MROH9: variants seen among roughly 807,000 people sequenced by gnomAD.
MROH9 encodes maestro heat like repeat family member 9.
A neutral mutation model predicts 98.2 loss-of-function variants in MROH9; 92 were observed. The ratio of observed to expected loss-of-function variants is 0.94; its 90% CI spans 0.79 to 1.11. MROH9 has a LOEUF of 1.11. Ranked by LOEUF, MROH9 falls within the 50% of genes most tolerant of loss-of-function variation. The probability of loss-of-function intolerance (pLI) is 0.00; values close to 1 mark genes in which losing one functional copy is unlikely to be tolerated. For missense variants in MROH9, 1,057 were observed against 1,014.8 expected, an observed-to-expected ratio of 1.04 and a Z score of -0.57; for synonymous variants, 397 against 368.9, an observed-to-expected ratio of 1.08 and a Z score of -0.87.
At chr1:170,974,138 G>A (rs1415643983) in intron 8 of MROH9, among the ~76,000 whole-genome samples, 3 of 152,078 alleles carry the variant, frequency 2.0e-5, no homozygotes, top group Non-Finnish European at 2.9e-5. Context: ...ATAAATGACA[G>A]ACAAATAGAG....
intron 20 of MROH9, among the ~76,000 whole-genome samples, chr1:171,034,293 C>T (rs1390341834): frequency 1.3e-5 from 2 of 152,144 alleles, no homozygotes; most frequent in African/African-American, 4.8e-5. Context: ...AAATCATCAT[C>T]ATGAATTCTT....
At chr1:171,004,241 C>T (rs1651875426) in intron 15 of MROH9, among the ~76,000 whole-genome samples, 1 of 152,124 alleles carries the variant, frequency 6.6e-6, no homozygotes, top group Non-Finnish European at 1.5e-5. Context: ...CACATTCATG[C>T]CCTCCCCCGA....
intron 6 of MROH9, among the ~76,000 whole-genome samples, chr1:170,963,135 G>GAAA (rs56361336): frequency 7.0e-5 from 10 of 141,924 alleles, no homozygotes; most frequent in Non-Finnish European, 9.3e-5. Context: ...AAGTTTACAA[G>GAAA]AAAAAAAAAA....
chr1:171,038,350 T>C (rs1158413651), intron 20 of MROH9, among the ~76,000 whole-genome samples: 2 of 152,194 alleles, frequency 1.3e-5, no homozygotes, highest in Non-Finnish European at 2.9e-5. Context: ...AGTTTTGTAC[T>C]ACCCAGTTTT....
chr1:170,979,705 G>A (rs1333297836), intron 8 of MROH9, among the ~76,000 whole-genome samples: 2 of 152,036 alleles, frequency 1.3e-5, no homozygotes, highest in Non-Finnish European at 2.9e-5. Flanking sequence ...CCACAGACTG[G>A]GAGAAAATAT....
In MROH9 at chr1:170,996,643, A is replaced by C; in HGVS notation, c.1474A>C (p.Lys492Gln). Residue 492 changes from lysine (K) to glutamine (Q), a missense_variant and splice_region_variant, in exon 14 of 22, where the codon AAA becomes CAA. Coordinates refer to ENST00000367759, the MANE Select transcript of MROH9 (RefSeq NM_001163629.2). The part of the protein sequence containing the change: ...CYYHGVCFIA[K>Q]TLSEYNFPQF... The stretch of plus-strand genomic sequence containing the variant: ...CTATCATGGAGTCTGCTTTATTGCT[A>C]AGTAAGAACAGGGGTCTCTGTGTAG... 6.2e-7 allele frequency: 1 copy of C among 1,613,226 alleles called. No individual in the cohort carries two copies. Among genetic ancestry groups the C allele is most frequent in the South Asian group, 1.1e-5 (1 of 91,012 alleles).
intron 21 of MROH9, among the ~76,000 whole-genome samples, chr1:171,063,012 CTCAT>C (rs963383347): frequency 6.6e-5 from 10 of 152,048 alleles, no homozygotes; most frequent in East Asian, 1.9e-4. Flanking sequence ...CATTCACTCA[CTCAT>C]TCATTCATTC....
intron 15 of MROH9, among the ~76,000 whole-genome samples, chr1:171,005,579 A>ATTGT (rs1651927378): frequency 6.6e-6 from 1 of 152,144 alleles, no homozygotes; most frequent in Non-Finnish European, 1.5e-5. Context: ...CATATAGTTT[A>ATTGT]TTGTTAGTGC....
chr1:170,937,174 C>A (rs1648917098), intron 1 of MROH9, among the ~76,000 whole-genome samples: 1 of 152,182 alleles, frequency 6.6e-6, no homozygotes, highest in African/African-American at 2.4e-5. Flanking sequence ...TTTCTGCTTA[C>A]ACATTCTTTA....
chr1:170,961,176 T>G (rs1186890904), intron 5 of MROH9, among the ~76,000 whole-genome samples: 1 of 152,116 alleles, frequency 6.6e-6, no homozygotes, highest in Non-Finnish European at 1.5e-5. Context: ...ACAGTTAGAA[T>G]AAAATATATT....
intron 3 of MROH9, among the ~76,000 whole-genome samples, chr1:170,956,955 T>A (rs1480873076): frequency 6.6e-6 from 1 of 151,994 alleles, no homozygotes; most frequent in South Asian, 2.1e-4. Context: ...CTGCTTTTTG[T>A]ATGTATTTTT....
Position 170,971,843 on chromosome 1 carries a change from G to A in MROH9, c.576G>A (p.Leu192=), listed in dbSNP as rs574920936. 1.9e-5 allele frequency: 31 copies of A among 1,613,990 alleles called. No individual in the cohort carries two copies. In the East Asian group the frequency reaches 6.7e-4, roughly 35 times the overall value. Residue 192 remains leucine (L), a synonymous_variant, in exon 8 of 22, where the codon TTG becomes TTA. Coordinates refer to ENST00000367759, the MANE Select transcript of MROH9 (RefSeq NM_001163629.2). ...CCTCGATTGTAAAACAAGCATCATTGGGAATGTGTCACCTCCTCTACATTG... is the reference window on the plus strand; with the variant it reads ...CCTCGATTGTAAAACAAGCATCATTAGGAATGTGTCACCTCCTCTACATTG... The part of the protein sequence containing the change: ...EDPSIVKQAS[L]GMCHLLYIAR...
intron 8 of MROH9, among the ~76,000 whole-genome samples, chr1:170,981,030 T>C (rs1650909798): frequency 6.6e-6 from 1 of 152,154 alleles, no homozygotes; most frequent in South Asian, 2.1e-4. Flanking sequence ...TCAACATCAC[T>C]GATCATCAGA....
intron 8 of MROH9, among the ~76,000 whole-genome samples, chr1:170,977,044 A>G (rs1650728973): frequency 6.6e-6 from 1 of 151,708 alleles, no homozygotes; most frequent in Non-Finnish European, 1.5e-5. Context: ...TAATACTTGC[A>G]TTTGCATTTT....
intron 1 of MROH9, 72 bp from the exon 2 acceptor site, chr1:170,945,448 C>T: frequency 1.1e-6 from 1 of 941,428 alleles, no homozygotes; most frequent in African/African-American, 1.6e-5. Flanking sequence ...TAGTACCATC[C>T]ATATTGATAG....
chr1:171,009,916 A>G (rs1006476398), intron 15 of MROH9, among the ~76,000 whole-genome samples: 1 of 152,228 alleles, frequency 6.6e-6, no homozygotes, highest in Non-Finnish European at 1.5e-5. Flanking sequence ...ATCAAAATGA[A>G]TAGTAACTAA....
At chr1:171,057,797 G>A (rs1653892176) in intron 20 of MROH9, among the ~76,000 whole-genome samples, 1 of 152,282 alleles carries the variant, frequency 6.6e-6, no homozygotes, top group Middle Eastern at 3.4e-3. Flanking sequence ...AACCAGAACA[G>A]ATTGGGGGCC....
intron 9 of MROH9, among the ~76,000 whole-genome samples, chr1:170,983,994 A>G (rs866809953): frequency 1.3e-5 from 2 of 152,238 alleles, no homozygotes; most frequent in Admixed American, 6.5e-5. Flanking sequence ...AAAAGCCTAC[A>G]TGATAAACCT....
At chr1:171,022,170 A>G (rs1652541258) in intron 17 of MROH9, among the ~76,000 whole-genome samples, 1 of 152,202 alleles carries the variant, frequency 6.6e-6, no homozygotes, top group Non-Finnish European at 1.5e-5. Context: ...TAATTCAACT[A>G]TTGTGGAATA....
Sources: gnomAD v4.1 joint callset for allele counts (sites outside exome capture counted in the v4.1 genomes callset) on GRCh38, gnomAD v4.1.1 for gene constraint, MANE v1.5 for transcripts, NCBI Gene and HGNC (gene_info 2026-07-23, HGNC 2026-07-21) for gene names.